EXOC4: variants seen among roughly 807,000 people sequenced by gnomAD.
EXOC4 encodes the protein exocyst complex component 4.
In EXOC4, 71 loss-of-function variants were observed where a neutral mutation model predicts 107.2. The observed-to-expected ratio is 0.66, with a 90% CI of 0.55 to 0.81. The LOEUF (loss-of-function observed/expected upper bound fraction) is 0.81. Among genes scored for constraint, EXOC4 ranks in the 30% least tolerant of loss-of-function variants. The probability of loss-of-function intolerance (pLI) is 0.00; values close to 1 mark genes in which losing one functional copy is unlikely to be tolerated. For synonymous variants in EXOC4, 456 were observed against 441.2 expected (o/e 1.03, Z -0.42); for missense variants, 1,108 against 1,189.6 (o/e 0.93, Z 1.01).
At chr7:134,006,898 T>C (rs1364318820) in intron 16 of EXOC4, among the ~76,000 whole-genome samples, 3 of 152,194 alleles carry the variant, frequency 2.0e-5, no homozygotes, top group African/African-American at 4.8e-5. Flanking sequence ...GGAGGACTTA[T>C]TAGTTTGCTG....
intron 15 of EXOC4, among the ~76,000 whole-genome samples, chr7:134,003,051 C>T (rs1585314016): frequency 6.6e-6 from 1 of 152,132 alleles, no homozygotes; most frequent in South Asian, 2.1e-4. Flanking sequence ...CCACAACCAC[C>T]TAAACCTGGA....
intron 7 of EXOC4, among the ~76,000 whole-genome samples, chr7:133,378,722 A>G (rs1238007602): frequency 6.6e-6 from 1 of 152,112 alleles, no homozygotes; most frequent in Non-Finnish European, 1.5e-5. Flanking sequence ...CTGAGAAGCC[A>G]GTTGAGGGGA....
intron 9 of EXOC4, among the ~76,000 whole-genome samples, chr7:133,528,969 T>C (rs1563097958): frequency 6.6e-6 from 1 of 152,256 alleles, no homozygotes; most frequent in Admixed American, 6.5e-5. Context: ...AACTCTGTCA[T>C]TGTTCTCAAC....
intron 10 of EXOC4, among the ~76,000 whole-genome samples, chr7:133,752,867 A>T (rs1795823397): frequency 6.6e-6 from 1 of 152,200 alleles, no homozygotes; most frequent in African/African-American, 2.4e-5. Context: ...GTGTTTCACC[A>T]GTCTCAGTTT....
chr7:134,025,398 G>T (rs1795117689), intron 17 of EXOC4, among the ~76,000 whole-genome samples: 1 of 110,224 alleles, frequency 9.1e-6, no homozygotes, highest in Non-Finnish European at 2.0e-5. Flanking sequence ...GTTAGTTATT[G>T]GATCTACACA....
At chr7:133,832,248 A>C (rs1797826590) in intron 11 of EXOC4, among the ~76,000 whole-genome samples, 1 of 152,216 alleles carries the variant, frequency 6.6e-6, no homozygotes, top group East Asian at 1.9e-4. Context: ...ACACATTTGT[A>C]ATAGTTAGAC....
At chr7:134,088,793 A>G in the EXOC4 span, among the ~76,000 whole-genome samples, 1 of 152,288 alleles carries the variant, frequency 6.6e-6, no homozygotes, top group African/African-American at 2.4e-5. Flanking sequence ...TGATTGACAA[A>G]TTTGGTTACC....
At chr7:133,502,045 G>A (rs1799585586) in intron 9 of EXOC4, among the ~76,000 whole-genome samples, 1 of 152,112 alleles carries the variant, frequency 6.6e-6, no homozygotes, top group Non-Finnish European at 1.5e-5. Context: ...ATGGAGCAGG[G>A]CCGCAATTAA....
intron 17 of EXOC4, among the ~76,000 whole-genome samples, chr7:134,019,557 C>T (rs1280874727): frequency 6.6e-6 from 1 of 151,930 alleles, no homozygotes; most frequent in Non-Finnish European, 1.5e-5. Flanking sequence ...CTGAATGTCC[C>T]TGAAACTCTA....
At chr7:133,777,286 AGAGAGAGAGAGAGAG>A (rs1796365906) in intron 10 of EXOC4, among the ~76,000 whole-genome samples, 42 of 149,462 alleles carry the variant, frequency 2.8e-4, no homozygotes, top group South Asian at 1.7e-3. Context: ...AGAAAGAGAG[AGAGAGAGAGAGAGAG>A]AGAGAGAGAG....
chr7:133,410,418 C>T (rs926850216), intron 7 of EXOC4, among the ~76,000 whole-genome samples: 9 of 152,162 alleles, frequency 5.9e-5, no homozygotes, highest in East Asian at 1.9e-4. Context: ...GGCTCTGCTG[C>T]GTGCATTCAC....
intron 9 of EXOC4, among the ~76,000 whole-genome samples, chr7:133,547,806 C>A (rs1485107324): frequency 6.6e-6 from 1 of 152,080 alleles, no homozygotes; most frequent in African/African-American, 2.4e-5. Flanking sequence ...TTTGCAATTA[C>A]TTCCTCCACT....
At chr7:133,997,406 CAA>C in intron 14 of EXOC4, 84 bp from the exon 15 acceptor site, 1 of 1,496,966 alleles carries the variant, frequency 6.7e-7, no homozygotes, top group Non-Finnish European at 9.2e-7. Flanking sequence ...CTAGTAAAAA[CAA>C]GATGAACAGC....
chr7:133,834,842 C>T (rs1157975972), intron 11 of EXOC4, among the ~76,000 whole-genome samples: 1 of 152,174 alleles, frequency 6.6e-6, no homozygotes, highest in East Asian at 1.9e-4. Flanking sequence ...TTGTAACTCC[C>T]ACAATTCCCA....
At chr7:133,292,202 G>C (rs1005937942) in intron 3 of EXOC4, among the ~76,000 whole-genome samples, 4 of 152,160 alleles carry the variant, frequency 2.6e-5, no homozygotes, top group African/African-American at 9.7e-5. Context: ...AAATTAGATG[G>C]GTGTGGTGGT....
intron 9 of EXOC4, among the ~76,000 whole-genome samples, chr7:133,565,082 C>A (rs1800881701): frequency 1.3e-5 from 2 of 152,130 alleles, no homozygotes; most frequent in African/African-American, 2.4e-5. Context: ...AATTAGTGAC[C>A]TTGGTAAATA....
At chr7:133,589,770 G>C (rs184675631) in intron 9 of EXOC4, among the ~76,000 whole-genome samples, 1 of 152,268 alleles carries the variant, frequency 6.6e-6, no homozygotes, top group Non-Finnish European at 1.5e-5. Context: ...GTCTGCTGCC[G>C]TAGGCATCAT....
chr7:133,581,315 A>G (rs1410102153), intron 9 of EXOC4, among the ~76,000 whole-genome samples: 1 of 152,150 alleles, frequency 6.6e-6, no homozygotes, highest in East Asian at 1.9e-4. Context: ...CCTTTATTTT[A>G]GGTCGCGGGT....
At chr7:133,887,044 A>G (rs6967343) in intron 11 of EXOC4, among the ~76,000 whole-genome samples, 94,561 of 152,076 alleles carry the variant, frequency 0.62, 31,902 homozygotes, top group African/African-American at 0.9. Flanking sequence ...GAGGCTCTGC[A>G]CTGAGCACAA....
Sources: gnomAD v4.1 joint callset for allele counts (sites outside exome capture counted in the v4.1 genomes callset) on GRCh38, gnomAD v4.1.1 for gene constraint, MANE v1.5 for transcripts, NCBI Gene and HGNC (gene_info 2026-07-23, HGNC 2026-07-21) for gene names.